Variants in FARS2 observed in about 807,000 individuals in gnomAD.
FARS2 encodes the protein phenylalanyl-tRNA synthetase 2, mitochondrial.
Under a neutral mutation model 46.4 loss-of-function variants are expected in FARS2, and 40 were observed. That is an observed-to-expected ratio of 0.86 (90% CI 0.67 to 1.12). The LOEUF (loss-of-function observed/expected upper bound fraction) is 1.12, where lower values mean the gene tolerates loss of function less well. Among genes scored for constraint, FARS2 ranks in the 50% most tolerant of loss-of-function variants. The pLI is 0.00. For synonymous variants in FARS2, 234 were observed against 214.9 expected (o/e 1.09, Z -0.78); for missense variants, 513 against 567.9 (o/e 0.90, Z 0.98).
At chr6:5,639,153 C>A (rs188220702) in intron 6 of FARS2, among the ~76,000 whole-genome samples, 29 of 152,342 alleles carry the variant, frequency 1.9e-4, no homozygotes, top group African/African-American at 6.3e-4. Context: ...ATGTAATAAC[C>A]CTACCTTAAA....
upstream of FARS2, among the ~76,000 whole-genome samples, chr6:5,258,548 T>A (rs562565483): frequency 3.9e-5 from 6 of 152,218 alleles, no homozygotes; most frequent in African/African-American, 1.4e-4. Flanking sequence ...GCTGCAGAGA[T>A]TAGAGAGGAG....
At chr6:5,460,248 C>T (rs1765169022) in intron 4 of FARS2, among the ~76,000 whole-genome samples, 1 of 152,206 alleles carries the variant, frequency 6.6e-6, no homozygotes, top group African/African-American at 2.4e-5. Flanking sequence ...CATTCACATA[C>T]ATCGCTCTTT....
At chr6:5,403,297 T>A (rs1328682786) in intron 2 of FARS2, among the ~76,000 whole-genome samples, 1 of 152,272 alleles carries the variant, frequency 6.6e-6, no homozygotes, top group Admixed American at 6.5e-5. Context: ...TGACTGCAAG[T>A]CTACACAAGG....
At chr6:5,659,844 C>G (rs1421031635) in intron 6 of FARS2, among the ~76,000 whole-genome samples, 1 of 152,238 alleles carries the variant, frequency 6.6e-6, no homozygotes, top group Non-Finnish European at 1.5e-5. Flanking sequence ...TTCATCCTGC[C>G]TAAATCCTCC....
At chr6:5,250,618 T>C in the FARS2 span, among the ~76,000 whole-genome samples, 20 of 152,232 alleles carry the variant, frequency 1.3e-4, no homozygotes, top group Non-Finnish European at 2.4e-4. Context: ...ATGAATCACC[T>C]CTAGTTGCCT....
chr6:5,448,093 GT>G (rs1311032185), intron 4 of FARS2, among the ~76,000 whole-genome samples: 1 of 152,222 alleles, frequency 6.6e-6, no homozygotes, highest in Non-Finnish European at 1.5e-5. Context: ...AAGAATCGCA[GT>G]GTGGTTGGGG....
intron 4 of FARS2, among the ~76,000 whole-genome samples, chr6:5,495,698 C>G (rs893279265): frequency 3.9e-5 from 6 of 152,156 alleles, no homozygotes; most frequent in African/African-American, 1.4e-4. Flanking sequence ...ACCAGTAATA[C>G]TGAGGTGGTA....
At chr6:5,496,249 C>T (rs78639325) in intron 4 of FARS2, among the ~76,000 whole-genome samples, 6,434 of 152,146 alleles carry the variant, frequency 0.042, 209 homozygotes, top group Middle Eastern at 0.11. Context: ...TGCTTAAGTG[C>T]GCCATTTGTC....
intron 5 of FARS2, among the ~76,000 whole-genome samples, chr6:5,586,702 T>A (rs765253254): frequency 3.9e-5 from 6 of 152,138 alleles, no homozygotes; most frequent in Admixed American, 1.3e-4. Flanking sequence ...AGGAATGAGA[T>A]AATGCTTGTC....
At chr6:5,664,098 G>T (rs1480638515) in intron 6 of FARS2, among the ~76,000 whole-genome samples, 1 of 152,232 alleles carries the variant, frequency 6.6e-6, no homozygotes, top group Non-Finnish European at 1.5e-5. Context: ...TTAAGTGGCA[G>T]CTTTGGGGTT....
chr6:5,515,272 T>G (rs1768716634), intron 4 of FARS2, among the ~76,000 whole-genome samples: 1 of 152,210 alleles, frequency 6.6e-6, no homozygotes, highest in Admixed American at 6.5e-5. Flanking sequence ...ATGAAACTCT[T>G]GCCAATAGGA....
intron 6 of FARS2, among the ~76,000 whole-genome samples, chr6:5,761,565 T>C (rs1202642246): frequency 6.6e-6 from 1 of 152,202 alleles, no homozygotes; most frequent in Non-Finnish European, 1.5e-5. Context: ...GGCTGCCTTG[T>C]AACAGTACAG....
intron 1 of FARS2, among the ~76,000 whole-genome samples, chr6:5,292,840 A>T (rs561841109): frequency 1.3e-5 from 2 of 152,338 alleles, no homozygotes; most frequent in African/African-American, 4.8e-5. Flanking sequence ...GAGAGGGCCA[A>T]AGATGGAACT....
rs933204380 is a variant in FARS2 at position 5,763,771 on chromosome 6, T to G, written c.1218-7520T>G. Among the ~76,000 whole-genome samples the G allele has an allele frequency of 4.7e-4, 70 of 147,700 alleles. 1 individual carries two copies. Among genetic ancestry groups the G allele is most frequent in the East Asian group, 2.8e-3 (14 of 4,998 alleles). On this transcript the variant is annotated intron_variant, in intron 6 of 6. Coordinates refer to ENST00000274680, the MANE Select transcript of FARS2 (RefSeq NM_006567.5). ...TTTCATCTTCTCTTCCCTTTTGGTT[T>G]TTTTTTTTTTTTTTTAACATAGAGA...
intron 1 of FARS2, among the ~76,000 whole-genome samples, chr6:5,340,122 C>T (rs1320838544): frequency 1.3e-5 from 2 of 152,220 alleles, no homozygotes; most frequent in Non-Finnish European, 2.9e-5. Flanking sequence ...TTCACATCTA[C>T]TTATCACAGT....
chr6:5,300,442 A>G (rs1219481766), intron 1 of FARS2, among the ~76,000 whole-genome samples: 4 of 152,152 alleles, frequency 2.6e-5, no homozygotes, highest in African/African-American at 9.7e-5. Flanking sequence ...TTCAAAGAGA[A>G]GCACATTTGG....
At chr6:5,415,970 G>T (rs1424155482) in intron 3 of FARS2, among the ~76,000 whole-genome samples, 1 of 152,208 alleles carries the variant, frequency 6.6e-6, no homozygotes, top group African/African-American at 2.4e-5. Flanking sequence ...GCCTCCCAAA[G>T]TGCTGGGATT....
chr6:5,494,990 C>A (rs576322704), intron 4 of FARS2, among the ~76,000 whole-genome samples: 8 of 152,298 alleles, frequency 5.3e-5, no homozygotes, highest in African/African-American at 1.9e-4. Context: ...GGTAATTGCT[C>A]TTCTCTTCAG....
intron 1 of FARS2, among the ~76,000 whole-genome samples, chr6:5,335,784 T>C (rs1393464865): frequency 6.6e-6 from 1 of 152,172 alleles, no homozygotes; most frequent in South Asian, 2.1e-4. Flanking sequence ...ATTTAGCCAA[T>C]TGGAAAGTGA....
Sources: gnomAD v4.1 joint callset for allele counts (sites outside exome capture counted in the v4.1 genomes callset) on GRCh38, gnomAD v4.1.1 for gene constraint, MANE v1.5 for transcripts, NCBI Gene and HGNC (gene_info 2026-07-23, HGNC 2026-07-21) for gene names.